The following PCDH9 variants were observed in gnomAD, a reference collection of about 807,000 sequenced individuals.
PCDH9 encodes protocadherin-9.
PCDH9 carries 24 observed loss-of-function variants against 70.6 expected under a neutral mutation model. That is an observed-to-expected ratio of 0.34 (90% confidence interval 0.25 to 0.48). PCDH9 has a LOEUF of 0.48. Ranked by LOEUF, PCDH9 falls within the 20% of genes least tolerant of loss-of-function variation. PCDH9 has a pLI of 0.99. For missense variants in PCDH9, 1,281 were observed against 1,503.6 expected (o/e 0.85, Z 2.45); for synonymous variants, 562 against 558.5 (o/e 1.01, Z -0.09).
chr13:66,326,568 G>A (rs910208729), intron 4 of PCDH9, among the ~76,000 whole-genome samples: 11 of 151,922 alleles, frequency 7.2e-5, no homozygotes, highest in Admixed American at 2.0e-4. Context: ...ACAGGCGCCC[G>A]CCACCACGCC....
chr13:66,939,532 G>T (rs1027104963), intron 2 of PCDH9, among the ~76,000 whole-genome samples: 2 of 151,506 alleles, frequency 1.3e-5, no homozygotes, highest in Non-Finnish European at 2.9e-5. Flanking sequence ...CGCCTCCCAG[G>T]TTCAAGTGAT....
intron 2 of PCDH9, among the ~76,000 whole-genome samples, chr13:66,950,980 T>A (rs576771222): frequency 4.1e-4 from 63 of 152,242 alleles, no homozygotes; most frequent in African/African-American, 6.7e-4. Flanking sequence ...AAAAATTGAA[T>A]TTTATCATTT....
chr13:66,946,077 G>A (rs2083083207), intron 2 of PCDH9, among the ~76,000 whole-genome samples: 3 of 151,898 alleles, frequency 2.0e-5, no homozygotes. Context: ...GCATTCATCT[G>A]GTCACTAATG....
chr13:66,605,724 A>G (rs2077214473), intron 4 of PCDH9, among the ~76,000 whole-genome samples: 1 of 152,124 alleles, frequency 6.6e-6, no homozygotes, highest in Non-Finnish European at 1.5e-5. Context: ...TTTTTCATAC[A>G]TTATCTTAAT....
At chr13:67,084,792 C>A in intron 2 of PCDH9, among the ~76,000 whole-genome samples, 1 of 150,644 alleles carries the variant, frequency 6.6e-6, no homozygotes, top group Admixed American at 6.6e-5. Flanking sequence ...CATGGTGAAA[C>A]CCCGTCTCTA....
At chr13:66,922,433 T>C (rs979334574) in intron 2 of PCDH9, among the ~76,000 whole-genome samples, 6 of 151,374 alleles carry the variant, frequency 4.0e-5, no homozygotes, top group African/African-American at 1.5e-4. Context: ...TGCTTCCAAA[T>C]GGACAGGAGA....
intron 3 of PCDH9, among the ~76,000 whole-genome samples, chr13:66,718,348 G>A (rs1029537714): frequency 2.0e-5 from 3 of 151,934 alleles, no homozygotes; most frequent in South Asian, 2.1e-4. Context: ...AGTTTTATTC[G>A]TGTACAAATT....
chr13:67,224,943 T>C (rs1413196700), intron 2 of PCDH9: 1 of 998,096 alleles, frequency 1.0e-6, no homozygotes, highest in Admixed American at 5.5e-5. Flanking sequence ...AAAAAAAAAT[T>C]AACCCCTTTA....
intron 3 of PCDH9, among the ~76,000 whole-genome samples, chr13:66,660,105 G>A (rs1593852398): frequency 6.6e-6 from 1 of 152,258 alleles, no homozygotes; most frequent in South Asian, 2.1e-4. Context: ...ACATGGTCAA[G>A]TGAATCATAA....
Position 67,004,402 on chromosome 13 carries a change from C to T in PCDH9, c.3037-100797G>A, listed in dbSNP as rs530065709. On this transcript the variant is annotated intron_variant, in intron 2 of 4. Transcript: ENST00000377865. ...CCTGGCCAACAAGGTGAAACCCTGT[C>T]TCCACTAAAAATCCAAAAATTAGCC... 1.1e-3 allele frequency among the ~76,000 whole-genome samples: 172 copies of T among 151,876 alleles called. 1 individual carries two copies. The highest frequency in any genetic ancestry group is 0.01 in the Middle Eastern group (3 of 294).
intron 3 of PCDH9, among the ~76,000 whole-genome samples, chr13:66,648,275 G>A (rs997802485): frequency 2.0e-5 from 3 of 152,342 alleles, no homozygotes; most frequent in Middle Eastern, 3.4e-3. Flanking sequence ...CTGGCTTCAG[G>A]TCTGAACCAG....
chr13:66,326,579 C>T (rs973497586), intron 4 of PCDH9, among the ~76,000 whole-genome samples: 5 of 151,910 alleles, frequency 3.3e-5, no homozygotes, highest in South Asian at 2.1e-4. Flanking sequence ...CCACCACGCC[C>T]GGATGATTTT....
intron 2 of PCDH9, among the ~76,000 whole-genome samples, chr13:66,916,552 A>T (rs1346713203): frequency 6.6e-6 from 1 of 151,576 alleles, no homozygotes; most frequent in Non-Finnish European, 1.5e-5. Context: ...GGATCTGGTG[A>T]GTTTAAAATC....
chr13:67,183,325 G>A (rs1004543790), intron 2 of PCDH9, among the ~76,000 whole-genome samples: 4 of 152,078 alleles, frequency 2.6e-5, no homozygotes, highest in African/African-American at 7.2e-5. Flanking sequence ...GGGTAGTGTA[G>A]GTAAATATAT....
intron 2 of PCDH9, among the ~76,000 whole-genome samples, chr13:67,130,022 A>T (rs886653994): frequency 6.6e-6 from 1 of 152,188 alleles, no homozygotes; most frequent in Non-Finnish European, 1.5e-5. Context: ...TTCTTTTAGG[A>T]AGAATAATGG....
At position 66,983,008 on chromosome 13, in the gene PCDH9, A is replaced by G. The variant is rs184130678; in HGVS notation, c.3037-79403T>C. ...AAGCTTCTTTATGTTTGTCAAGTAAAATGTTTATAAAAGTTCTGAGAAATG... is the reference window on the plus strand; with the variant it reads ...AAGCTTCTTTATGTTTGTCAAGTAAGATGTTTATAAAAGTTCTGAGAAATG... On this transcript the variant is annotated intron_variant, in intron 2 of 4. Coordinates refer to ENST00000377865, the MANE Select transcript of PCDH9 (RefSeq NM_203487.3). Among the ~76,000 whole-genome samples, 590 of 152,276 alleles carry G rather than the reference A, an allele frequency of 3.9e-3. 2 individuals carry two copies. The highest frequency in any genetic ancestry group is 0.013 in the African/African-American group (534 of 41,552).
At chr13:66,680,205 T>C (rs1374429642) in intron 3 of PCDH9, among the ~76,000 whole-genome samples, 1 of 151,998 alleles carries the variant, frequency 6.6e-6, no homozygotes, top group Non-Finnish European at 1.5e-5. Context: ...GTGAAATTAA[T>C]CTAACTCAGA....
intron 3 of PCDH9, among the ~76,000 whole-genome samples, chr13:66,834,447 T>C (rs529456590): frequency 6.6e-6 from 1 of 152,144 alleles, no homozygotes; most frequent in Non-Finnish European, 1.5e-5. Flanking sequence ...CAGCCCCTGA[T>C]GGTCTTTTGG....
chr13:67,178,237 A>G (rs9571729), intron 2 of PCDH9, among the ~76,000 whole-genome samples: 67,164 of 151,886 alleles, frequency 0.44, 17,086 homozygotes, highest in East Asian at 0.63. Context: ...AAAAGATACT[A>G]TGAAAGTTAA....
Sources: allele counts gnomAD v4.1 joint callset (sites outside exome capture counted in the v4.1 genomes callset), GRCh38; gene constraint gnomAD v4.1.1; transcripts MANE v1.5; gene names NCBI Gene and HGNC (gene_info 2026-07-23, HGNC 2026-07-21).